Variants in MS4A2 observed in about 807,000 individuals in gnomAD.
The protein encoded by MS4A2 is membrane spanning 4-domains A2.
MS4A2 carries 26 observed loss-of-function variants against 27.9 expected under a neutral mutation model. The observed-to-expected ratio is 0.93, with a 90% CI of 0.68 to 1.29. The LOEUF (loss-of-function observed/expected upper bound fraction) is 1.29, where lower values mean the gene tolerates loss of function less well. MS4A2 is among the 50% of genes most tolerant of loss of function. The probability of loss-of-function intolerance (pLI) is 0.00; values close to 1 mark genes in which losing one functional copy is unlikely to be tolerated. For synonymous variants in MS4A2, 110 were observed against 98.8 expected, an observed-to-expected ratio of 1.11 and a Z score of -0.67; for missense variants, 284 against 284.6, an observed-to-expected ratio of 1.00 and a Z score of 0.01.
In MS4A2 at chr11:60,089,828, G is replaced by A; in HGVS notation, c.186+7G>A. ...AGAGCAGGAGTTCCTGGGGGTGAGT[G>A]AGCCTCCTCCAACTTTGACTAGAGT... On this transcript the variant is annotated splice_region_variant and intron_variant, in intron 2 of 6. Transcript: ENST00000278888. 2 of 1,613,944 alleles carry A rather than the reference G, an allele frequency of 1.2e-6. No homozygotes were observed. The highest frequency in any genetic ancestry group is 1.1e-5 in the South Asian group (1 of 91,064).
chr11:60,093,724 C>G, intron 5 of MS4A2, 166 bp downstream of exon 5: 1 of 1,049,570 alleles, frequency 9.5e-7, no homozygotes, highest in Non-Finnish European at 1.4e-6. Context: ...CTGCCCACTC[C>G]CCTCAACCCA....
At chr11:60,088,928 A>G in intron 1 of MS4A2, 107 bp downstream of exon 1, 1 of 1,118,842 alleles carries the variant, frequency 8.9e-7, no homozygotes, top group South Asian at 1.3e-5. Context: ...GCATGGATCC[A>G]TCTAGTTTAA....
intron 3 of MS4A2, 100 bp from the exon 4 acceptor site, chr11:60,092,692 G>A (rs1023779706): frequency 1.9e-5 from 20 of 1,026,614 alleles, no homozygotes; most frequent in Admixed American, 1.4e-4. Context: ...TAACTTTATC[G>A]AGTACCCCAA....
At chr11:60,095,529 T>A in intron 6 of MS4A2, 29 bp from the exon 7 acceptor site, 1 of 1,405,448 alleles carries the variant, frequency 7.1e-7, no homozygotes, top group Non-Finnish European at 1.0e-6. Context: ...TTTGTGGTGA[T>A]TGATATGAAA....
chr11:60,092,559 G>A (rs1855784079), intron 3 of MS4A2, among the ~76,000 whole-genome samples: 1 of 152,152 alleles, frequency 6.6e-6, no homozygotes, highest in African/African-American at 2.4e-5. Flanking sequence ...GCTTCCCAAA[G>A]TGCTGGGATT....
chr11:60,093,937 T>C (rs1422535723), intron 5 of MS4A2, 27 bp from the exon 6 acceptor site: 2 of 1,566,964 alleles, frequency 1.3e-6, no homozygotes, highest in South Asian at 2.2e-5. Flanking sequence ...TGACTCTTTT[T>C]GTTTGTCATT....
intron 5 of MS4A2, 45 bp from the exon 6 acceptor site, chr11:60,093,919 A>T (rs113519550): frequency 1.4e-6 from 2 of 1,480,376 alleles, no homozygotes; most frequent in African/African-American, 1.4e-5. Flanking sequence ...TTTGGGGCGA[A>T]TACCATGTGA....
At chr11:60,095,449 G>A (rs1855852014) in intron 6 of MS4A2, 109 bp from the exon 7 acceptor site, 3 of 742,916 alleles carry the variant, frequency 4.0e-6, no homozygotes, top group Non-Finnish European at 7.3e-6. Context: ...TAATGACAGA[G>A]AGCGTGAGAC....
chr11:60,089,009 T>G (rs1855706945), intron 1 of MS4A2, among the ~76,000 whole-genome samples, 188 bp downstream of exon 1: 1 of 152,180 alleles, frequency 6.6e-6, no homozygotes, highest in Admixed American at 6.5e-5. Flanking sequence ...GAGAGGAACA[T>G]TTTTACTCAG....
upstream of MS4A2, chr11:60,088,572 A>C: frequency 7.1e-7 from 1 of 1,404,330 alleles, no homozygotes; most frequent in Non-Finnish European, 9.3e-7. Context: ...TCTATTCATC[A>C]CAAGTAAAAG....
chr11:60,093,292 G>T (rs1044670240), intron 4 of MS4A2, 108 bp from the exon 5 acceptor site: 1 of 1,428,354 alleles, frequency 7.0e-7, no homozygotes, highest in Non-Finnish European at 9.6e-7. Context: ...CCAAAATTTG[G>T]AAGCAATGTG....
intron 3 of MS4A2, among the ~76,000 whole-genome samples, chr11:60,092,106 G>C (rs1855770626): frequency 6.6e-6 from 1 of 152,004 alleles, no homozygotes; most frequent in Admixed American, 6.6e-5. Flanking sequence ...GATTGCAATA[G>C]AATGAGAGTG....
intron 5 of MS4A2, 87 bp downstream of exon 5, chr11:60,093,645 T>C: frequency 6.6e-7 from 1 of 1,519,588 alleles, no homozygotes; most frequent in South Asian, 1.1e-5. Flanking sequence ...ATGAACACCA[T>C]CCTTTTCTGT....
chr11:60,092,782 T>A lies in MS4A2; in HGVS notation c.322-10T>A, dbSNP rs1479611771. 1.2e-6 allele frequency: 2 copies of A among 1,612,994 alleles called. No individual in the cohort carries two copies. Among genetic ancestry groups the A allele is most frequent in the African/African-American group, 2.7e-5 (2 of 75,026 alleles). On this transcript the variant is annotated splice_polypyrimidine_tract_variant and intron_variant, in intron 3 of 6. Coordinates refer to ENST00000278888, the MANE Select transcript of MS4A2 (RefSeq NM_000139.5). Reference sequence around the variant, plus strand: ...CTCATTGTGGCTTTTTTTTCCTCCTTTTTGAACAGTTTTCTATTTCTGGAA... The same window carrying A: ...CTCATTGTGGCTTTTTTTTCCTCCTATTTGAACAGTTTTCTATTTCTGGAA...
intron 1 of MS4A2, 26 bp from the exon 2 acceptor site, chr11:60,089,666 G>A: frequency 6.2e-7 from 1 of 1,613,996 alleles, no homozygotes; most frequent in Non-Finnish European, 8.5e-7. Context: ...ATGTTCTCAT[G>A]ACTGAATTGC....
In MS4A2 at chr11:60,093,995, T is replaced by C. The variant is rs1214616545; in HGVS notation, c.569T>C (p.Ile190Thr). 1 of 1,614,078 alleles carries C rather than the reference T, an allele frequency of 6.2e-7. No homozygotes were observed. Among genetic ancestry groups the C allele is most frequent in the South Asian group, 1.1e-5 (1 of 91,090 alleles). ...EIVVMMLFLT[I>T]LGLGSAVSLT... ...GTAGTGATGATGCTGTTTCTCACCA[T>C]TCTGGGACTTGGTAGTGCTGTGTCA... Residue 190 changes from isoleucine to threonine, a missense_variant, in exon 6 of 7, where the codon ATT becomes ACT. Ile to Thr is a moderately conservative substitution (Grantham distance 89). Transcript: ENST00000278888.
chr11:60,088,838 AT>A lies in MS4A2; in HGVS notation c.56+24del, dbSNP rs1451422877. 1.9e-6 allele frequency: 3 copies of A among 1,603,776 alleles called. No homozygotes were observed. Among genetic ancestry groups the A allele is most frequent in the Middle Eastern group, 1.7e-4 (1 of 6,050 alleles). The stretch of plus-strand genomic sequence containing the variant: ...GCCTTCCAGGTAGGTACAAGGTATT[AT>A]TTTTTTCTACCCTCAGTCACTTAGT... On this transcript the variant is annotated intron_variant, in intron 1 of 6. Coordinates refer to ENST00000278888, the MANE Select transcript of MS4A2 (RefSeq NM_000139.5).
At position 60,095,615 on chromosome 11, in the gene MS4A2, T is replaced by A. The variant is rs1447968761; in HGVS notation, c.694T>A (p.Leu232Met). The A allele has an allele frequency of 6.2e-7, 1 of 1,612,776 alleles. No individual in the cohort carries two copies. The highest frequency in any genetic ancestry group is 1.3e-5 in the African/African-American group (1 of 75,012). The change falls in exon 7 of 7, where the codon TTG becomes ATG. Residue 232 changes from leucine (L) to methionine (M), a missense_variant. Transcript: ENST00000278888. The part of the protein sequence containing the change: ...LNIYSATYSE[L>M]EDPGEMSPPI... ...CATATATTCAGCTACTTACAGTGAG[T>A]TGGAAGACCCAGGGGAAATGTCTCC...
In MS4A2 at chr11:60,090,315, A is replaced by T. The variant is rs771653314; in HGVS notation, c.187-21A>T. 6 of 1,610,698 alleles carry T rather than the reference A, an allele frequency of 3.7e-6. No homozygotes were observed. In the South Asian group the frequency reaches 6.6e-5, roughly 18 times the overall value. ...GGGAAAATTTTTTTGATTTTCATGA[A>T]ATTCATGTGTTTTTCTATAGGTAAC... On this transcript the variant is annotated intron_variant, in intron 2 of 6. Coordinates refer to ENST00000278888, the MANE Select transcript of MS4A2 (RefSeq NM_000139.5).
Sources: gnomAD v4.1 joint callset for allele counts (sites outside exome capture counted in the v4.1 genomes callset) on GRCh38, gnomAD v4.1.1 for gene constraint, MANE v1.5 for transcripts, NCBI Gene and HGNC (gene_info 2026-07-23, HGNC 2026-07-21) for gene names.